The following KDM2B variants were observed in gnomAD, a reference collection of about 807,000 sequenced individuals.
KDM2B encodes the protein lysine-specific demethylase 2B.
KDM2B carries 26 observed loss-of-function variants against 150.0 expected under a neutral mutation model. The ratio of observed to expected loss-of-function variants is 0.17; its 90% CI spans 0.13 to 0.24. The LOEUF is 0.24. KDM2B is among the 10% of genes least tolerant of loss of function. The pLI is 1.00. For synonymous variants in KDM2B, 734 were observed against 729.5 expected (o/e 1.01, Z -0.10); for missense variants, 1,265 against 1,816.9 (o/e 0.70, Z 5.52).
chr12:121,564,281 C>A, intron 4 of KDM2B, among the ~76,000 whole-genome samples: 1 of 151,914 alleles, frequency 6.6e-6, no homozygotes, highest in African/African-American at 2.4e-5. Flanking sequence ...GATGGTGAAA[C>A]CCCGTCTCTA....
At position 121,574,532 on chromosome 12, in the gene KDM2B, C is replaced by T. The variant is rs782596887; in HGVS notation, c.397+15G>A. 36 of 1,613,294 alleles carry T rather than the reference C, an allele frequency of 2.2e-5. No individual in the cohort carries two copies. Among genetic ancestry groups the T allele is most frequent in the Non-Finnish European group, 2.9e-5 (34 of 1,179,432 alleles). On this transcript the variant is annotated intron_variant, in intron 4 of 22. Transcript: ENST00000377071. ...CTTCAGCATGTCTGAGCCACACACA[C>T]GGCAAGCGACTTACCCACTAGGAGT...
intron 12 of KDM2B, among the ~76,000 whole-genome samples, chr12:121,462,900 G>C (rs192839815): frequency 1.3e-5 from 2 of 151,640 alleles, no homozygotes; most frequent in Non-Finnish European, 2.9e-5. Flanking sequence ...CCAGGAGTTC[G>C]AGCCCAGCCT....
intron 17 of KDM2B, 155 bp from the exon 18 acceptor site, chr12:121,443,185 C>T (rs868996246): frequency 3.4e-5 from 23 of 685,374 alleles, no homozygotes; most frequent in Non-Finnish European, 3.3e-5. Flanking sequence ...GACCGACAGA[C>T]GGGCGAGCCC....
chr12:121,486,413 T>C (rs1882769115), intron 12 of KDM2B, among the ~76,000 whole-genome samples: 1 of 123,094 alleles, frequency 8.1e-6, no homozygotes. Flanking sequence ...ACTCTTGACC[T>C]TGTGATCCAC....
Position 121,549,323 on chromosome 12 carries a change from G to C in KDM2B, c.576+137C>G. The C allele has an allele frequency of 6.8e-6, 5 of 736,054 alleles. No individual in the cohort carries two copies. Among genetic ancestry groups the C allele is most frequent in the Non-Finnish European group, 8.7e-6 (4 of 457,432 alleles). The allele number at this position is 736,054 out of a possible 1,614,324, so 45.6% of individuals were successfully genotyped here. A position where few individuals can be genotyped will look rare whatever the true frequency, so the allele number is the denominator to read the frequency against. On this transcript the variant is annotated intron_variant, in intron 5 of 22. Coordinates refer to ENST00000377071, the MANE Select transcript of KDM2B (RefSeq NM_032590.5). This position sits in a 1 kb window ranked among gnomAD's most constrained non-coding sequence, Gnocchi z 4.4. ...TCTACAAACCACGTTACCAACCTTA[G>C]TCACCCCTATGCCTGCCAAGCCCAG...
At chr12:121,445,238 G>C in intron 14 of KDM2B, 37 bp downstream of exon 14, 1 of 1,602,626 alleles carries the variant, frequency 6.2e-7, no homozygotes. Context: ...ACCTGCCCCA[G>C]AGCGTCAGCA....
intron 12 of KDM2B, among the ~76,000 whole-genome samples, chr12:121,490,349 A>C (rs1053452517): frequency 4.6e-5 from 7 of 152,290 alleles, no homozygotes; most frequent in Admixed American, 4.6e-4. Flanking sequence ...CCCATACTCC[A>C]GAAAAATTGC....
chr12:121,421,770 C>T, the KDM2B span, among the ~76,000 whole-genome samples: 2 of 152,128 alleles, frequency 1.3e-5, no homozygotes, highest in Admixed American at 6.5e-5. Flanking sequence ...CTGAATTAGG[C>T]GTGGGCCACC....
rs1240530944 is a variant in KDM2B, at chr12:121,549,410, G to C, written c.576+50C>G. The C allele has an allele frequency of 6.7e-7, 1 of 1,495,650 alleles. No homozygotes were observed. Among genetic ancestry groups the C allele is most frequent in the African/African-American group, 1.4e-5 (1 of 72,098 alleles). 92.6% of individuals were successfully genotyped at this position (1,495,650 alleles called of 1,614,324 possible). A position where few individuals can be genotyped will look rare whatever the true frequency, so the allele number is the denominator to read the frequency against. On this transcript the variant is annotated intron_variant, in intron 5 of 22. Transcript: ENST00000377071. This position sits in a 1 kb window ranked among gnomAD's most constrained non-coding sequence, Gnocchi z 4.4. The stretch of plus-strand genomic sequence containing the variant: ...ACCCAGGTGGCAGGGGGACAGGGAA[G>C]GAGATGAGGTGGAAGGTATCTGGGG...
At chr12:121,534,287 T>G (rs1466859870) in intron 7 of KDM2B, among the ~76,000 whole-genome samples, 1 of 150,478 alleles carries the variant, frequency 6.6e-6, no homozygotes, top group Non-Finnish European at 1.5e-5. Flanking sequence ...AGGCAGAGCT[T>G]GCAGTGAGCC....
Position 121,440,899 on chromosome 12 carries a change from C to T in KDM2B, c.3527G>A (p.Arg1176Gln), listed in dbSNP as rs376449260. The T allele has an allele frequency of 5.2e-5, 84 of 1,614,050 alleles. 1 individual carries two copies. The highest frequency in any genetic ancestry group is 5.1e-4 in the East Asian group (23 of 44,888). The change falls in exon 21 of 23, where the codon CGG (arginine) becomes CAG (glutamine). Residue 1176 changes from arginine to glutamine, a missense_variant. Transcript: ENST00000377071. ...CTCCACCCACTGGACATCCAGGGTC[C>T]GGAGCAGCGGACAACTGGAGCTGCA... Reference protein sequence around the residue: ...ALCSSSCPLLRTLDVQWVEGL... With the variant: ...ALCSSSCPLLQTLDVQWVEGL...
chr12:121,491,142 G>A (rs1301989281), intron 12 of KDM2B, among the ~76,000 whole-genome samples: 3 of 151,978 alleles, frequency 2.0e-5, no homozygotes, highest in Non-Finnish European at 2.9e-5. Context: ...CACTCTCCCC[G>A]CCACATATCA....
intron 12 of KDM2B, among the ~76,000 whole-genome samples, chr12:121,493,588 A>C (rs1883592970): frequency 6.6e-6 from 1 of 152,134 alleles, no homozygotes; most frequent in South Asian, 2.1e-4. Context: ...TGAGCACTGG[A>C]TGAAAATTTG....
At chr12:121,506,540 C>T (rs1885083166) in intron 11 of KDM2B, among the ~76,000 whole-genome samples, 1 of 152,164 alleles carries the variant, frequency 6.6e-6, no homozygotes, top group Non-Finnish European at 1.5e-5. Flanking sequence ...AACTAAATAT[C>T]TCTAAAGACA....
At chr12:121,447,008 G>A (rs1431863752) in intron 13 of KDM2B, among the ~76,000 whole-genome samples, 11 of 152,194 alleles carry the variant, frequency 7.2e-5, no homozygotes, top group Admixed American at 5.9e-4. Context: ...CAATGTAACA[G>A]TGTGAACAGC....
In KDM2B at chr12:121,532,807, G is replaced by A. The variant is rs192456788; in HGVS notation, c.930C>T (p.Ser310=). The A allele has an allele frequency of 1.6e-5, 26 of 1,614,090 alleles. No individual in the cohort carries two copies. The highest frequency in any genetic ancestry group is 3.3e-4 in the Middle Eastern group (2 of 6,062). Residue 310 remains serine (S), a splice_region_variant and synonymous_variant, in exon 8 of 23, where the codon TCC becomes TCT. Transcript: ENST00000377071. ...CAGAGAGTGCCCCTGGAAACCTACC[G>A]GAAGGGATGAAAAATGTGTAGCCCT... ...LKQGYTFFIP[S]GWIHAVYTPV... is the part of the protein sequence containing the mutation.
intron 12 of KDM2B, among the ~76,000 whole-genome samples, chr12:121,492,588 G>A (rs1555300129): frequency 6.6e-6 from 1 of 151,916 alleles, no homozygotes. Context: ...GATTACAGGC[G>A]AGAGCCACTG....
chr12:121,535,677 G>T (rs1888030058), intron 6 of KDM2B, among the ~76,000 whole-genome samples: 1 of 152,196 alleles, frequency 6.6e-6, no homozygotes, highest in South Asian at 2.1e-4. Flanking sequence ...CTTGGAGGCT[G>T]GGGCCGGGGA....
Position 121,513,457 on chromosome 12 carries a change from A to C in KDM2B, c.1048-55T>G. The stretch of plus-strand genomic sequence containing the variant: ...TCAGTTTCCAGAGGGCGAAGGGGGA[A>C]GGAGGGAGAGAAGTGCGGGGCAGGC... On this transcript the variant is annotated intron_variant, in intron 9 of 22. Coordinates refer to ENST00000377071, the MANE Select transcript of KDM2B (RefSeq NM_032590.5). This position sits in a 1 kb window ranked among gnomAD's most constrained non-coding sequence, Gnocchi z 5.0. 6.3e-7 allele frequency: 1 copy of C among 1,592,052 alleles called. No homozygotes were observed. The highest frequency in any genetic ancestry group is 8.6e-7 in the Non-Finnish European group (1 of 1,162,792).
Sources: gnomAD v4.1 joint callset for allele counts (sites outside exome capture counted in the v4.1 genomes callset) on GRCh38, gnomAD v4.1.1 for gene constraint, Gnocchi (gnomAD v3.1) non-coding constraint, MANE v1.5 for transcripts, NCBI Gene and HGNC (gene_info 2026-07-23, HGNC 2026-07-21) for gene names.